NPSR1: variants seen among roughly 807,000 people sequenced by gnomAD.
The protein encoded by NPSR1 is neuropeptide S receptor 1.
Under a neutral mutation model 46.9 loss-of-function variants are expected in NPSR1, and 48 were observed. That is an observed-to-expected ratio of 1.02 (90% CI 0.81 to 1.30). NPSR1 has a LOEUF of 1.30. Ranked by LOEUF, NPSR1 falls within the 50% of genes most tolerant of loss-of-function variation. NPSR1 has a pLI of 0.00. For synonymous variants in NPSR1, 176 were observed against 168.1 expected (o/e 1.05, Z -0.36); for missense variants, 450 against 449.5 (o/e 1.00, Z -0.01).
chr7:34,775,916 G>A (rs1007841183), intron 2 of NPSR1, among the ~76,000 whole-genome samples: 2 of 151,868 alleles, frequency 1.3e-5, no homozygotes, highest in Non-Finnish European at 2.9e-5. Context: ...ATAGATTTTG[G>A]TATGTTGTGT....
At chr7:34,798,661 T>G (rs758687858) in intron 3 of NPSR1, among the ~76,000 whole-genome samples, 2 of 152,186 alleles carry the variant, frequency 1.3e-5, no homozygotes, top group African/African-American at 2.4e-5. Flanking sequence ...CATCCAGTAA[T>G]AGCAGAATAT....
intron 2 of NPSR1, among the ~76,000 whole-genome samples, chr7:34,687,707 C>G (rs1793008279): frequency 6.6e-6 from 1 of 152,098 alleles, no homozygotes; most frequent in Non-Finnish European, 1.5e-5. Context: ...AGAGTCAAAC[C>G]ATATCATATA....
chr7:34,868,262 A>C (rs1387713528), intron 8 of NPSR1, among the ~76,000 whole-genome samples: 2 of 151,630 alleles, frequency 1.3e-5, no homozygotes, highest in African/African-American at 4.9e-5. Flanking sequence ...TTCACTAGAA[A>C]GCCAGCCCTG....
intron 2 of NPSR1, among the ~76,000 whole-genome samples, chr7:34,771,516 G>A (rs1786683630): frequency 6.6e-6 from 1 of 152,182 alleles, no homozygotes; most frequent in African/African-American, 2.4e-5. Flanking sequence ...ACTTCTGTGG[G>A]TGGAATAGCC....
At chr7:34,693,325 T>G (rs1431200444) in intron 2 of NPSR1, among the ~76,000 whole-genome samples, 5 of 105,024 alleles carry the variant, frequency 4.8e-5, no homozygotes, top group Admixed American at 1.8e-4. Flanking sequence ...CAACTGATAC[T>G]ATAGAAATAA....
chr7:34,870,901 T>TGGAA (rs1474967405), intron 8 of NPSR1, among the ~76,000 whole-genome samples: 2 of 141,330 alleles, frequency 1.4e-5, no homozygotes, highest in Admixed American at 7.3e-5. Flanking sequence ...GATGGATGGA[T>TGGAA]GAATGGATGG....
chr7:34,762,219 G>A (rs1786210794), intron 2 of NPSR1, among the ~76,000 whole-genome samples: 1 of 152,166 alleles, frequency 6.6e-6, no homozygotes, highest in African/African-American at 2.4e-5. Context: ...GTGCTCTAAT[G>A]AGAATAAATG....
At chr7:34,765,789 T>C (rs1329506332) in intron 2 of NPSR1, among the ~76,000 whole-genome samples, 1 of 152,210 alleles carries the variant, frequency 6.6e-6, no homozygotes, top group Non-Finnish European at 1.5e-5. Context: ...CCTAAGTGAA[T>C]TAATGCAGAA....
intron 3 of NPSR1, among the ~76,000 whole-genome samples, chr7:34,782,398 T>C (rs985020444): frequency 1.3e-5 from 2 of 152,142 alleles, no homozygotes; most frequent in Non-Finnish European, 1.5e-5. Flanking sequence ...CAGAAGAACC[T>C]TAGCAGCCAT....
At chr7:34,710,540 C>A (rs924226298) in intron 2 of NPSR1, among the ~76,000 whole-genome samples, 1 of 152,112 alleles carries the variant, frequency 6.6e-6, no homozygotes, top group Admixed American at 6.5e-5. Flanking sequence ...GGGCAGGTTT[C>A]CCACAGAGAT....
rs544041023 is a variant in NPSR1, at chr7:34,791,064, A to G, written c.384+12499A>G. Reference sequence around the variant, plus strand: ...ATATTATATATGTTATATGTTATATATTATATTATATATGTTATATGTTAT... The same window carrying G: ...ATATTATATATGTTATATGTTATATGTTATATTATATATGTTATATGTTAT... On this transcript the variant is annotated intron_variant, in intron 3 of 8. Transcript: ENST00000360581. Among the ~76,000 whole-genome samples the G allele has an allele frequency of 2.3e-3, 254 of 111,728 alleles. 1 individual carries two copies. The highest frequency in any genetic ancestry group is 9.1e-3 in the African/African-American group (226 of 24,968). 73.3% of individuals were successfully genotyped at this position (111,728 alleles called of 152,430 possible). A position where few individuals can be genotyped will look rare whatever the true frequency, so the allele number is the denominator to read the frequency against.
chr7:34,861,110 T>G (rs1791182963), intron 8 of NPSR1, among the ~76,000 whole-genome samples: 1 of 151,634 alleles, frequency 6.6e-6, no homozygotes, highest in Admixed American at 6.5e-5. Flanking sequence ...GTTCACCTGG[T>G]GATTAAACCC....
At chr7:34,725,085 A>C (rs555187683) in intron 2 of NPSR1, among the ~76,000 whole-genome samples, 1 of 144,950 alleles carries the variant, frequency 6.9e-6, no homozygotes, top group Admixed American at 6.8e-5. Flanking sequence ...CTAAGTACCC[A>C]CACACACACA....
intron 6 of NPSR1, among the ~76,000 whole-genome samples, chr7:34,835,359 G>A (rs1188183389): frequency 6.6e-6 from 1 of 152,108 alleles, no homozygotes; most frequent in Non-Finnish European, 1.5e-5. Flanking sequence ...AGGACAACAA[G>A]CTATACCACA....
chr7:34,716,703 C>A (rs1243352997), intron 2 of NPSR1, among the ~76,000 whole-genome samples: 1 of 152,072 alleles, frequency 6.6e-6, no homozygotes, highest in Non-Finnish European at 1.5e-5. Context: ...GGCCAGGTAT[C>A]CCCTCACAAT....
At chr7:34,745,319 G>A (rs1785148577) in intron 2 of NPSR1, among the ~76,000 whole-genome samples, 1 of 151,866 alleles carries the variant, frequency 6.6e-6, no homozygotes, top group Non-Finnish European at 1.5e-5. Flanking sequence ...AATTTATTTG[G>A]TCCAATCATC....
intron 2 of NPSR1, among the ~76,000 whole-genome samples, chr7:34,699,309 G>A (rs1345040092): frequency 6.6e-6 from 1 of 152,120 alleles, no homozygotes; most frequent in Non-Finnish European, 1.5e-5. Flanking sequence ...GTGAGACCCT[G>A]TCTCTACTAA....
intron 2 of NPSR1, among the ~76,000 whole-genome samples, chr7:34,702,946 G>A (rs1390387164): frequency 4.6e-5 from 7 of 152,210 alleles, no homozygotes; most frequent in African/African-American, 1.7e-4. Flanking sequence ...AAAGGTCCCT[G>A]TAAACAAAAC....
intron 2 of NPSR1, among the ~76,000 whole-genome samples, chr7:34,699,838 C>T (rs79427512): frequency 6.6e-6 from 1 of 152,042 alleles, no homozygotes; most frequent in Non-Finnish European, 1.5e-5. Flanking sequence ...TAACAGGGAA[C>T]AGAGGTGCTA....
Sources: allele counts gnomAD v4.1 joint callset (sites outside exome capture counted in the v4.1 genomes callset), GRCh38; gene constraint gnomAD v4.1.1; transcripts MANE v1.5; gene names NCBI Gene and HGNC (gene_info 2026-07-23, HGNC 2026-07-21).